ITGBL1: variants seen among roughly 807,000 people sequenced by gnomAD.
ITGBL1 encodes the protein integrin subunit beta like 1.
A neutral mutation model predicts 68.5 loss-of-function variants in ITGBL1; 51 were observed. The observed-to-expected ratio is 0.74, with a 90% confidence interval of 0.59 to 0.94. ITGBL1 has a LOEUF of 0.94. Among genes scored for constraint, ITGBL1 ranks in the 40% least tolerant of loss-of-function variants. The pLI, the probability that ITGBL1 is intolerant of heterozygous loss-of-function variation, is 0.00. For missense variants in ITGBL1, 649 were observed against 647.4 expected (o/e 1.00, Z -0.03); for synonymous variants, 209 against 227.3 (o/e 0.92, Z 0.72).
intron 2 of ITGBL1, among the ~76,000 whole-genome samples, chr13:101,483,085 G>T (rs2048649463): frequency 6.6e-6 from 1 of 152,138 alleles, no homozygotes; most frequent in Non-Finnish European, 1.5e-5. Context: ...AGGATCTAAA[G>T]GTGGACTCTG....
At chr13:101,519,201 T>C (rs552638843) in intron 2 of ITGBL1, among the ~76,000 whole-genome samples, 136 of 152,230 alleles carry the variant, frequency 8.9e-4, no homozygotes, top group African/African-American at 3.1e-3. Context: ...CCCGGGCCTC[T>C]GCAAAAATGT....
intron 7 of ITGBL1, among the ~76,000 whole-genome samples, chr13:101,636,804 C>A (rs1207281616): frequency 6.6e-6 from 1 of 152,036 alleles, no homozygotes; most frequent in African/African-American, 2.4e-5. Context: ...TAATATTGAT[C>A]CTGCTGTATC....
chr13:101,482,314 A>G (rs1477108660), intron 2 of ITGBL1, among the ~76,000 whole-genome samples: 1 of 141,086 alleles, frequency 7.1e-6, no homozygotes, highest in Non-Finnish European at 1.5e-5. Flanking sequence ...AAAGAAAAAC[A>G]CTGGTTGTGA....
chr13:101,464,308 A>G (rs2048354540), intron 2 of ITGBL1, among the ~76,000 whole-genome samples: 1 of 152,052 alleles, frequency 6.6e-6, no homozygotes, highest in South Asian at 2.1e-4. Context: ...CTTTCAAATA[A>G]TGTTCATTTT....
At chr13:101,488,779 T>G (rs1399653665) in intron 2 of ITGBL1, among the ~76,000 whole-genome samples, 3 of 152,202 alleles carry the variant, frequency 2.0e-5, no homozygotes. Flanking sequence ...ATAATGAGAT[T>G]AGACTCATTA....
downstream of ITGBL1, chr13:101,716,723 C>A (rs1421954732): frequency 6.8e-6 from 1 of 146,562 alleles, no homozygotes; most frequent in Non-Finnish European, 1.5e-5. Flanking sequence ...AACCTGGGGT[C>A]ATGCAAAGAA....
intron 2 of ITGBL1, among the ~76,000 whole-genome samples, chr13:101,518,889 A>G (rs957597916): frequency 3.3e-5 from 5 of 152,184 alleles, no homozygotes; most frequent in Non-Finnish European, 5.9e-5. Context: ...AAACTGCTCA[A>G]ATCACTTTTC....
At chr13:101,668,169 C>T (rs759969084) in intron 7 of ITGBL1, among the ~76,000 whole-genome samples, 2 of 152,068 alleles carry the variant, frequency 1.3e-5, no homozygotes, top group Non-Finnish European at 2.9e-5. Context: ...GGGTGGATCA[C>T]CTGAGGTCAA....
At chr13:101,720,530 CTGTGTGTGTGTGTGTGTGTG>C (rs56200654), downstream of ITGBL1, 3 of 147,572 alleles carry the variant, frequency 2.0e-5, no homozygotes, top group Admixed American at 6.8e-5. Context: ...GGTGTTTGCT[CTGTGTGTGTGTGTGTGTGTG>C]TGTGTGTGTG....
chr13:101,600,653 G>T (rs2030311252), intron 7 of ITGBL1, among the ~76,000 whole-genome samples: 1 of 152,136 alleles, frequency 6.6e-6, no homozygotes, highest in Non-Finnish European at 1.5e-5. Flanking sequence ...ATGAAGGGTT[G>T]TTGAATTTTG....
chr13:101,651,989 A>G (rs539336819), intron 7 of ITGBL1, among the ~76,000 whole-genome samples: 1 of 152,226 alleles, frequency 6.6e-6, no homozygotes, highest in East Asian at 1.9e-4. Flanking sequence ...ATAGATGTGC[A>G]GTCTTATTTC....
chr13:101,581,239 G>A (rs888257943), intron 5 of ITGBL1, among the ~76,000 whole-genome samples: 5 of 152,192 alleles, frequency 3.3e-5, no homozygotes, highest in African/African-American at 1.2e-4. Context: ...CCCTTTACAC[G>A]TGGCTGAGAA....
At chr13:101,709,371 C>CA (rs747662212) in intron 9 of ITGBL1, among the ~76,000 whole-genome samples, 2,827 of 61,130 alleles carry the variant, frequency 0.046, 581 homozygotes, top group African/African-American at 0.14. Flanking sequence ...GACTCCGTCT[C>CA]AAAAAAAAAA....
At chr13:101,641,792 T>G (rs1323898956) in intron 7 of ITGBL1, among the ~76,000 whole-genome samples, 1 of 144,234 alleles carries the variant, frequency 6.9e-6, no homozygotes, top group East Asian at 2.1e-4. Context: ...AATTCCCACC[T>G]ATGAGTGAGA....
intron 7 of ITGBL1, among the ~76,000 whole-genome samples, chr13:101,636,627 G>A (rs545672672): frequency 2.6e-5 from 4 of 152,220 alleles, no homozygotes; most frequent in Admixed American, 2.6e-4. Context: ...TCTACTCCTA[G>A]GTTAGCAGAG....
rs760375686 is a variant in ITGBL1 at position 101,706,832 on chromosome 13, G to A, written c.1209G>A (p.Lys403=). ...WFGKLCQHPR[K]CNMTEEQSKN... ...GAAAGCTCTGCCAACATCCGCGGAAGTGTAACATGACGGAAGAACAAAGCA... is the reference window on the plus strand; with the variant it reads ...GAAAGCTCTGCCAACATCCGCGGAAATGTAACATGACGGAAGAACAAAGCA... Residue 403 remains lysine (K), a synonymous_variant, in exon 9 of 11, where the codon AAG becomes AAA. Transcript: ENST00000376180. 3 of 1,614,180 alleles carry A rather than the reference G, an allele frequency of 1.9e-6. No homozygotes were observed. In the South Asian group the frequency reaches 3.3e-5, roughly 18 times the overall value.
At chr13:101,473,959 G>A (rs985741666) in intron 2 of ITGBL1, among the ~76,000 whole-genome samples, 12 of 152,130 alleles carry the variant, frequency 7.9e-5, no homozygotes, top group Non-Finnish European at 1.6e-4. Flanking sequence ...ACTTGCTGTG[G>A]GCCATGGGTG....
chr13:101,551,850 A>G (rs1026549644), intron 2 of ITGBL1, among the ~76,000 whole-genome samples: 1 of 152,202 alleles, frequency 6.6e-6, no homozygotes, highest in African/African-American at 2.4e-5. Flanking sequence ...TAAAAATGAG[A>G]TAGTTTGTAA....
At chr13:101,467,136 T>C (rs182745932) in intron 2 of ITGBL1, among the ~76,000 whole-genome samples, 2 of 152,242 alleles carry the variant, frequency 1.3e-5, no homozygotes, top group Non-Finnish European at 2.9e-5. Context: ...CATGACCTAA[T>C]CACCTCCTGC....
Sources: allele counts gnomAD v4.1 joint callset (sites outside exome capture counted in the v4.1 genomes callset), GRCh38; gene constraint gnomAD v4.1.1; transcripts MANE v1.5; gene names NCBI Gene and HGNC (gene_info 2026-07-23, HGNC 2026-07-21).